CSMD1: variants seen among roughly 807,000 people sequenced by gnomAD.
The protein encoded by CSMD1 is CUB and sushi domain-containing protein 1.
Under a neutral mutation model 417.5 loss-of-function variants are expected in CSMD1, and 213 were observed. The observed-to-expected ratio is 0.51, with a 90% CI of 0.46 to 0.57. The LOEUF is 0.57. CSMD1 is among the 20% of genes least tolerant of loss of function. The pLI is 0.00. For synonymous variants in CSMD1, 2,862 were observed against 1,736.8 expected (o/e 1.65, Z -16.11); for missense variants, 6,923 against 4,529.7 (o/e 1.53, Z -15.17).
At chr8:4,918,434 T>C (rs1315161976) in intron 1 of CSMD1, among the ~76,000 whole-genome samples, 2 of 152,202 alleles carry the variant, frequency 1.3e-5, no homozygotes, top group South Asian at 2.1e-4. Context: ...CTTGTCCTTC[T>C]GTATATCCAC....
intron 18 of CSMD1, among the ~76,000 whole-genome samples, chr8:3,377,708 T>A (rs890781167): frequency 6.6e-6 from 1 of 152,294 alleles, no homozygotes; most frequent in Admixed American, 6.5e-5. Context: ...CTGGGATGCC[T>A]GTTCACATGC....
At position 4,777,477 on chromosome 8, in the gene CSMD1, A is replaced by C. The variant is rs1457930949; in HGVS notation, c.86-139919T>G. Among the ~76,000 whole-genome samples the C allele has an allele frequency of 2.0e-5, 3 of 152,274 alleles. No homozygotes were observed. In the East Asian group the frequency reaches 5.8e-4, roughly 29 times the overall value. On this transcript the variant is annotated intron_variant, in intron 1 of 69. Coordinates refer to ENST00000635120, the MANE Select transcript of CSMD1 (RefSeq NM_033225.6). ...AGATGTGTGCCTAGACTCCTATAAT[A>C]AGATCAGATTTAAGAATAAAACAAT... is the stretch of plus-strand genomic sequence containing the variant.
intron 3 of CSMD1, among the ~76,000 whole-genome samples, chr8:4,284,540 C>T (rs940834825): frequency 2.0e-5 from 3 of 152,176 alleles, no homozygotes; most frequent in Admixed American, 2.0e-4. Context: ...GCGCGACACA[C>T]TTGCATATGC....
At chr8:3,766,256 G>T (rs1354549228) in intron 5 of CSMD1, among the ~76,000 whole-genome samples, 3 of 152,178 alleles carry the variant, frequency 2.0e-5, no homozygotes, top group Non-Finnish European at 2.9e-5. Context: ...GCCCCACCTG[G>T]AAATCTCCTC....
intron 21 of CSMD1, among the ~76,000 whole-genome samples, chr8:3,355,064 A>G (rs1465010968): frequency 6.6e-6 from 1 of 152,020 alleles, no homozygotes; most frequent in Non-Finnish European, 1.5e-5. Flanking sequence ...CTTGTAATCC[A>G]TTCAAAAACT....
chr8:4,080,188 T>C (rs368175910), intron 3 of CSMD1, among the ~76,000 whole-genome samples: 3 of 152,182 alleles, frequency 2.0e-5, no homozygotes, highest in African/African-American at 7.2e-5. Context: ...TTTACTTGGG[T>C]TCATTCTAGC....
At chr8:3,514,273 G>T (rs1797196934) in intron 10 of CSMD1, among the ~76,000 whole-genome samples, 1 of 152,100 alleles carries the variant, frequency 6.6e-6, no homozygotes, top group Non-Finnish European at 1.5e-5. Flanking sequence ...CATTATAAAT[G>T]GTGCAACATA....
chr8:3,612,603 C>T (rs1214895729), intron 8 of CSMD1, among the ~76,000 whole-genome samples: 1 of 152,078 alleles, frequency 6.6e-6, no homozygotes, highest in African/African-American at 2.4e-5. Context: ...TCCTTTAAAG[C>T]ATAATCTCTA....
chr8:3,652,094 G>C (rs1797885982), intron 7 of CSMD1, among the ~76,000 whole-genome samples: 1 of 137,348 alleles, frequency 7.3e-6, no homozygotes, highest in Non-Finnish European at 1.6e-5. Flanking sequence ...CACCATCAGA[G>C]CACCTACCAC....
chr8:4,272,530 A>G (rs1159070129), intron 3 of CSMD1, among the ~76,000 whole-genome samples: 1 of 152,194 alleles, frequency 6.6e-6, no homozygotes, highest in Non-Finnish European at 1.5e-5. Context: ...CCACATGCAT[A>G]ACAAGTGATT....
At chr8:4,002,391 T>C (rs187021152) in intron 4 of CSMD1, among the ~76,000 whole-genome samples, 1 of 152,284 alleles carries the variant, frequency 6.6e-6, no homozygotes, top group Non-Finnish European at 1.5e-5. Context: ...CATAATAGCA[T>C]TTGAAGAAGA....
chr8:3,467,535 T>C (rs1187995483), intron 12 of CSMD1, among the ~76,000 whole-genome samples: 2 of 152,244 alleles, frequency 1.3e-5, no homozygotes, highest in African/African-American at 4.8e-5. Flanking sequence ...GATGTAAATA[T>C]ACATTTTTTG....
At chr8:4,249,132 C>T (rs879291043) in intron 3 of CSMD1, among the ~76,000 whole-genome samples, 2 of 152,224 alleles carry the variant, frequency 1.3e-5, no homozygotes, top group Admixed American at 6.5e-5. Flanking sequence ...ACCAAACTTT[C>T]GTGGGAAAAT....
chr8:4,594,735 C>T (rs1024586398), intron 2 of CSMD1, among the ~76,000 whole-genome samples: 2 of 152,124 alleles, frequency 1.3e-5, no homozygotes, highest in African/African-American at 2.4e-5. Context: ...TGTTACCTGC[C>T]TGTTCACATG....
At chr8:3,422,219 G>A (rs1813540024) in intron 12 of CSMD1, among the ~76,000 whole-genome samples, 2 of 152,120 alleles carry the variant, frequency 1.3e-5, no homozygotes, top group South Asian at 4.1e-4. Flanking sequence ...AGGGGCTGCT[G>A]TTTCCTCAAG....
intron 3 of CSMD1, among the ~76,000 whole-genome samples, chr8:4,246,722 G>T (rs1439297002): frequency 6.6e-6 from 1 of 151,972 alleles, no homozygotes; most frequent in South Asian, 2.1e-4. Context: ...TTTATCATTG[G>T]AATAATGATT....
intron 32 of CSMD1, among the ~76,000 whole-genome samples, 159 bp downstream of exon 32, chr8:3,201,453 G>A (rs1408963594): frequency 2.6e-5 from 4 of 152,090 alleles, no homozygotes; most frequent in Non-Finnish European, 5.9e-5. Flanking sequence ...ACACTTTTGA[G>A]ATCTTATATC....
chr8:4,544,310 T>C (rs1292445143), intron 2 of CSMD1, among the ~76,000 whole-genome samples: 1 of 152,152 alleles, frequency 6.6e-6, no homozygotes, highest in Non-Finnish European at 1.5e-5. Flanking sequence ...ATTGTCAATA[T>C]CTAAATTTAT....
intron 4 of CSMD1, among the ~76,000 whole-genome samples, chr8:4,005,093 T>A (rs1816002476): frequency 6.6e-6 from 1 of 151,950 alleles, no homozygotes; most frequent in Non-Finnish European, 1.5e-5. Flanking sequence ...GCTATGAGGA[T>A]GCAAAGGAAT....
Sources: allele counts gnomAD v4.1 joint callset (sites outside exome capture counted in the v4.1 genomes callset), GRCh38; gene constraint gnomAD v4.1.1; transcripts MANE v1.5; gene names NCBI Gene and HGNC (gene_info 2026-07-23, HGNC 2026-07-21).